ZNF280D: variants seen among roughly 807,000 people sequenced by gnomAD.
The protein encoded by ZNF280D is zinc finger protein 280D.
Under a neutral mutation model 94.7 loss-of-function variants are expected in ZNF280D, and 39 were observed. The observed-to-expected ratio is 0.41, with a 90% CI of 0.32 to 0.54. The LOEUF (loss-of-function observed/expected upper bound fraction) is 0.54, where lower values mean the gene tolerates loss of function less well. ZNF280D is among the 20% of genes least tolerant of loss of function. The pLI, the probability that ZNF280D is intolerant of heterozygous loss-of-function variation, is 0.22. For synonymous variants in ZNF280D, 398 were observed against 377.6 expected, an observed-to-expected ratio of 1.05 and a Z score of -0.63; for missense variants, 1,090 against 1,149.3, an observed-to-expected ratio of 0.95 and a Z score of 0.75.
chr15:56,712,740 C>CTTTTT (rs370458226), intron 1 of ZNF280D, among the ~76,000 whole-genome samples: 3 of 133,518 alleles, frequency 2.2e-5, no homozygotes, highest in African/African-American at 2.8e-5. Context: ...TGGTGAATGG[C>CTTTTT]TTTTTTTTTT....
chr15:56,730,756 T>C (rs1007275423), intron 1 of ZNF280D: 1 of 152,274 alleles, frequency 6.6e-6, no homozygotes, highest in Non-Finnish European at 1.5e-5. Context: ...TCCTCCAGAA[T>C]TGTCTCCACT....
intron 19 of ZNF280D, chr15:56,653,226 T>G: frequency 8.9e-7 from 1 of 1,119,390 alleles, no homozygotes; most frequent in Non-Finnish European, 1.1e-6. Flanking sequence ...AGAGAAAGAT[T>G]TAAAGGCAGC....
Position 56,677,646 on chromosome 15 carries a change from A to G in ZNF280D, c.1191T>C (p.Phe397=). 6.2e-7 allele frequency: 1 copy of G among 1,600,764 alleles called. No individual in the cohort carries two copies. The highest frequency in any genetic ancestry group is 1.1e-5 in the South Asian group (1 of 89,092). The change falls in exon 12 of 22, where the codon TTT becomes TTC. Residue 397 remains phenylalanine, a synonymous_variant. Transcript: ENST00000267807. ...GTTGTAAAAGAACATGTTCTGTTTC[A>G]AATGACAATTCACAGATTTTACAAA... ...STICKICELS[F]ETEHVLLQHM...
intron 13 of ZNF280D, among the ~76,000 whole-genome samples, chr15:56,670,230 G>A (rs1284610818): frequency 6.7e-6 from 1 of 149,496 alleles, no homozygotes; most frequent in Non-Finnish European, 1.5e-5. Flanking sequence ...CAGGGAACAT[G>A]TGCAGGATGT....
chr15:56,665,601 A>T (rs1387975748), intron 16 of ZNF280D, among the ~76,000 whole-genome samples: 2 of 152,056 alleles, frequency 1.3e-5, no homozygotes, highest in Admixed American at 1.3e-4. Context: ...TGGAATACAG[A>T]AAGAGAAACA....
At chr15:56,703,569 T>G (rs2057214761) in intron 4 of ZNF280D, among the ~76,000 whole-genome samples, 2 of 152,148 alleles carry the variant, frequency 1.3e-5, no homozygotes, top group African/African-American at 4.8e-5. Context: ...ATATGTTACT[T>G]AAGGCTAGGT....
chr15:56,633,890 A>G (rs1180967136), intron 21 of ZNF280D: 1 of 152,194 alleles, frequency 6.6e-6, no homozygotes, highest in Non-Finnish European at 1.5e-5. Context: ...TCAGTTTCCA[A>G]AACAAATCCC....
intron 16 of ZNF280D, among the ~76,000 whole-genome samples, chr15:56,664,777 T>C (rs1413281023): frequency 1.3e-5 from 2 of 152,132 alleles, no homozygotes; most frequent in Non-Finnish European, 2.9e-5. Context: ...AGTCTAGAAG[T>C]GAGCACAGAG....
rs774027086 is a variant in ZNF280D at position 56,631,473 on chromosome 15, A to G, written c.*25T>C. 6 of 1,605,544 alleles carry G rather than the reference A, an allele frequency of 3.7e-6. No homozygotes were observed. The highest frequency in any genetic ancestry group is 2.6e-6 in the Non-Finnish European group (3 of 1,174,374). On this transcript the variant is annotated 3_prime_UTR_variant, in exon 22 of 22. Coordinates refer to ENST00000267807, the MANE Select transcript of ZNF280D (RefSeq NM_017661.4). ...TGTTCCAAATGCCCTTATCGTTGGTACACTGAAACTTAAAATGACTAATTT... is the reference window on the plus strand; with the variant it reads ...TGTTCCAAATGCCCTTATCGTTGGTGCACTGAAACTTAAAATGACTAATTT...
At chr15:56,694,607 A>G (rs942550860) in intron 6 of ZNF280D, among the ~76,000 whole-genome samples, 8 of 152,204 alleles carry the variant, frequency 5.3e-5, no homozygotes, top group African/African-American at 1.9e-4. Flanking sequence ...AATAAAAACA[A>G]CAGCAACATT....
chr15:56,648,597 A>T lies in ZNF280D; in HGVS notation c.2214-5600T>A, dbSNP rs560682669. 3.9e-4 allele frequency among the ~76,000 whole-genome samples: 59 copies of T among 152,204 alleles called. 2 individuals are homozygous for T. The highest frequency in any genetic ancestry group is 3.4e-3 in the Admixed American group (52 of 15,274). ...AATTGAGGCTCTCCACTTAACAGGT[A>T]TGTGCGACCTTGGGCAAATTATTTA... On this transcript the variant is annotated intron_variant, in intron 19 of 21. Coordinates refer to ENST00000267807, the MANE Select transcript of ZNF280D (RefSeq NM_017661.4).
chr15:56,726,442 C>T lies in ZNF280D; in HGVS notation c.-86+7016G>A, dbSNP rs572056013. On this transcript the variant is annotated intron_variant, in intron 1 of 21. Coordinates refer to ENST00000267807, the MANE Select transcript of ZNF280D (RefSeq NM_017661.4). Reference sequence around the variant, plus strand: ...AAACAAAGAAGGGAAAATTTACTTACTACTTTAAAATAGATTAAAACTCAT... The same window carrying T: ...AAACAAAGAAGGGAAAATTTACTTATTACTTTAAAATAGATTAAAACTCAT... 3.1e-3 allele frequency among the ~76,000 whole-genome samples: 479 copies of T among 152,242 alleles called. 3 individuals are homozygous for T. Among genetic ancestry groups the T allele is most frequent in the African/African-American group, 0.011 (466 of 41,544 alleles).
chr15:56,637,833 G>A (rs896906883), intron 20 of ZNF280D, among the ~76,000 whole-genome samples: 6 of 150,672 alleles, frequency 4.0e-5, no homozygotes, highest in East Asian at 3.9e-4. Flanking sequence ...ACACCACACC[G>A]AGACAAGTTA....
At position 56,674,345 on chromosome 15, in the gene ZNF280D, CT is replaced by C. The variant is rs57920416; in HGVS notation, c.1410+2324del. ...CAATGCACTAAGGGTGATGAAGATA[CT>C]TTTTTTTTATAACATTATGTTCAAC... On this transcript the variant is annotated intron_variant, in intron 13 of 21. Transcript: ENST00000267807. Among the ~76,000 whole-genome samples, 29 of 151,314 alleles carry C rather than the reference CT, an allele frequency of 1.9e-4. 1 individual carries two copies. Among genetic ancestry groups the C allele is most frequent in the Middle Eastern group, 6.8e-3 (2 of 294 alleles).
In ZNF280D at chr15:56,678,790, G is replaced by A. The variant is rs1352480542; in HGVS notation, c.1036C>T (p.Leu346Phe). 3.7e-6 allele frequency: 6 copies of A among 1,610,196 alleles called. No homozygotes were observed. In the African/African-American group the frequency reaches 8.0e-5, roughly 22 times the overall value. Reference sequence around the variant, plus strand: ...CAGCTCTCACTGCTCTGCTTCTCAAGTTCCAAATGGTGTTTCATGTGGTTC... The same window carrying A: ...CAGCTCTCACTGCTCTGCTTCTCAAATTCCAAATGGTGTTTCATGTGGTTC... ...FMNHMKHHLE[L>F]EKQSSESWEN... The change falls in exon 11 of 22, where the codon CTT becomes TTT. Residue 346 changes from leucine (L) to phenylalanine (F), a missense_variant. Around this residue, in one of 3 missense-constraint regions of ZNF280D, gnomAD observed 127 missense variants for 208.6 expected, o/e 0.61. Transcript: ENST00000267807.
At position 56,643,895 on chromosome 15, in the gene ZNF280D, CA is replaced by C. The variant is rs1190678124; in HGVS notation, c.2214-899del. Among the ~76,000 whole-genome samples the C allele has an allele frequency of 2.3e-4, 34 of 149,710 alleles. 1 individual carries two copies. The highest frequency in any genetic ancestry group is 2.1e-3 in the Admixed American group (31 of 15,028). ...ACTATATTATCTTAAATTTCATTGACAAAAAAAAAGATATCTAATAGGATAG... is the reference window on the plus strand; with the variant it reads ...ACTATATTATCTTAAATTTCATTGACAAAAAAAAGATATCTAATAGGATAG... On this transcript the variant is annotated intron_variant, in intron 19 of 21. Transcript: ENST00000267807.
At position 56,631,465 on chromosome 15, in the gene ZNF280D, T is replaced by A. The variant is rs368244138; in HGVS notation, c.*33A>T. 2.7e-4 allele frequency: 425 copies of A among 1,599,708 alleles called. No homozygotes were observed. Among genetic ancestry groups the A allele is most frequent in the Non-Finnish European group, 3.5e-4 (414 of 1,171,274 alleles). On this transcript the variant is annotated 3_prime_UTR_variant, in exon 22 of 22. Coordinates refer to ENST00000267807, the MANE Select transcript of ZNF280D (RefSeq NM_017661.4). ...GATAGCACTGTTCCAAATGCCCTTATCGTTGGTACACTGAAACTTAAAATG... is the reference window on the plus strand; with the variant it reads ...GATAGCACTGTTCCAAATGCCCTTAACGTTGGTACACTGAAACTTAAAATG...
chr15:56,730,444 G>GA (rs1374325353), intron 1 of ZNF280D: 1 of 152,098 alleles, frequency 6.6e-6, no homozygotes, highest in Non-Finnish European at 1.5e-5. Context: ...TTTCATTTGT[G>GA]AAAACTGCTA....
intron 21 of ZNF280D, among the ~76,000 whole-genome samples, chr15:56,633,301 T>A (rs1367195684): frequency 6.6e-6 from 1 of 152,180 alleles, no homozygotes; most frequent in East Asian, 1.9e-4. Flanking sequence ...GTCTTTAGAC[T>A]ATTCCTAAAC....
Sources: allele counts gnomAD v4.1 joint callset (sites outside exome capture counted in the v4.1 genomes callset), GRCh38; gene constraint gnomAD v4.1.1; regional missense constraint gnomAD v4.1.1; transcripts MANE v1.5; gene names NCBI Gene and HGNC (gene_info 2026-07-23, HGNC 2026-07-21).